Variants in OTUD7B observed in about 807,000 individuals in gnomAD.
OTUD7B encodes the protein OTU domain-containing protein 7B.
In OTUD7B, 34 loss-of-function variants were observed where a neutral mutation model predicts 82.2. The ratio of observed to expected loss-of-function variants is 0.41; its 90% CI spans 0.31 to 0.55. OTUD7B has a LOEUF of 0.55. OTUD7B is among the 20% of genes least tolerant of loss of function. The probability of loss-of-function intolerance (pLI) is 0.20; values close to 1 mark genes in which losing one functional copy is unlikely to be tolerated. For synonymous variants in OTUD7B, 398 were observed against 402.7 expected, an observed-to-expected ratio of 0.99 and a Z score of 0.14; for missense variants, 944 against 1,062.1, an observed-to-expected ratio of 0.89 and a Z score of 1.55.
intron 1 of OTUD7B, among the ~76,000 whole-genome samples, chr1:149,982,653 C>A (rs1022514328): frequency 1.3e-5 from 2 of 151,788 alleles, no homozygotes; most frequent in African/African-American, 4.8e-5. Context: ...TTTCAGTATC[C>A]ATCTGCACAA....
chr1:149,969,640 C>G (rs1175286445), intron 3 of OTUD7B, among the ~76,000 whole-genome samples: 4 of 152,138 alleles, frequency 2.6e-5, no homozygotes, highest in Non-Finnish European at 5.9e-5. Context: ...TTAAAATCAT[C>G]TTTTAAAACG....
intron 5 of OTUD7B, among the ~76,000 whole-genome samples, chr1:149,965,036 G>A (rs1315386538): frequency 6.6e-6 from 1 of 150,884 alleles, no homozygotes; most frequent in Non-Finnish European, 1.5e-5. Flanking sequence ...GGGATTACAG[G>A]CATCTGCCAC....
chr1:150,032,881 C>G, the OTUD7B span, among the ~76,000 whole-genome samples: 1 of 152,170 alleles, frequency 6.6e-6, no homozygotes. Flanking sequence ...AATATAAACT[C>G]TCCAGTTCAC....
the OTUD7B span, among the ~76,000 whole-genome samples, chr1:150,016,464 T>C: frequency 1.0e-4 from 15 of 149,928 alleles, no homozygotes; most frequent in East Asian, 2.9e-3. Flanking sequence ...TTTTTTTTTT[T>C]TTTTTTTGAG....
chr1:150,062,708 C>CTTTTT, the OTUD7B span, among the ~76,000 whole-genome samples: 2,234 of 95,602 alleles, frequency 0.023, 5 homozygotes, highest in East Asian at 0.027. Flanking sequence ...CTTCTTCTTT[C>CTTTTT]TTTTTTTTTT....
At chr1:149,983,741 G>A (rs902047787) in intron 1 of OTUD7B, among the ~76,000 whole-genome samples, 3 of 152,120 alleles carry the variant, frequency 2.0e-5, no homozygotes, top group South Asian at 4.1e-4. Flanking sequence ...AAGGTTGCAC[G>A]CAGAGGTAGA....
At chr1:150,060,598 A>G in the OTUD7B span, among the ~76,000 whole-genome samples, 75 of 152,194 alleles carry the variant, frequency 4.9e-4, no homozygotes, top group Non-Finnish European at 9.6e-4. Context: ...GACATACAAG[A>G]TATGCAATAG....
intron 1 of OTUD7B, among the ~76,000 whole-genome samples, chr1:150,007,970 C>T (rs1652775603): frequency 6.6e-6 from 1 of 152,190 alleles, no homozygotes; most frequent in African/African-American, 2.4e-5. Flanking sequence ...CACATACACC[C>T]ACACTATAAT....
the OTUD7B span, among the ~76,000 whole-genome samples, chr1:150,045,325 C>G: frequency 6.6e-6 from 1 of 151,850 alleles, no homozygotes; most frequent in Non-Finnish European, 1.5e-5. Context: ...AACTCCTGAC[C>G]TCTAGTGATC....
intron 7 of OTUD7B, among the ~76,000 whole-genome samples, chr1:149,955,827 G>A (rs1344770688): frequency 9.2e-5 from 14 of 152,194 alleles, no homozygotes; most frequent in Middle Eastern, 3.4e-3. Context: ...TTGGTTTAAA[G>A]TCTGTTTTAT....
At chr1:150,062,631 C>A in the OTUD7B span, among the ~76,000 whole-genome samples, 982 of 151,158 alleles carry the variant, frequency 6.5e-3, 11 homozygotes, top group African/African-American at 0.023. Context: ...AGCTGCTAAT[C>A]TATAAAATGG....
intron 1 of OTUD7B, among the ~76,000 whole-genome samples, chr1:150,007,336 CT>C (rs1304507547): frequency 2.6e-5 from 4 of 152,240 alleles, no homozygotes; most frequent in Non-Finnish European, 5.9e-5. Flanking sequence ...GCCCATACCT[CT>C]TTATGACTCA....
At chr1:149,949,150 A>T in intron 9 of OTUD7B, 67 bp from the exon 10 acceptor site, 1 of 937,114 alleles carries the variant, frequency 1.1e-6, no homozygotes, top group Admixed American at 2.0e-5. Flanking sequence ...ACACAGACTT[A>T]TTTCACTAAA....
chr1:150,018,257 G>A, the OTUD7B span, among the ~76,000 whole-genome samples: 1 of 152,178 alleles, frequency 6.6e-6, no homozygotes, highest in African/African-American at 2.4e-5. Flanking sequence ...TATAAGAACT[G>A]AGGCACGTTT....
chr1:149,953,605 G>A (rs1204050676), intron 7 of OTUD7B, among the ~76,000 whole-genome samples: 1 of 152,132 alleles, frequency 6.6e-6, no homozygotes, highest in African/African-American at 2.4e-5. Flanking sequence ...GTGGTTTGAT[G>A]GGGATGGCAC....
intron 1 of OTUD7B, among the ~76,000 whole-genome samples, chr1:150,005,662 C>CTT (rs1288472719): frequency 1.6e-4 from 24 of 147,922 alleles, no homozygotes; most frequent in South Asian, 4.3e-4. Flanking sequence ...CTGCCCATTC[C>CTT]TTTTTTTTTT....
upstream of OTUD7B, among the ~76,000 whole-genome samples, chr1:150,013,934 A>AT (rs1242958336): frequency 0.37 from 8,620 of 23,312 alleles, 883 homozygotes; most frequent in South Asian, 0.48. Flanking sequence ...AAAAAAAAAA[A>AT]ATAATATATA....
the OTUD7B span, among the ~76,000 whole-genome samples, chr1:150,062,196 G>A: frequency 2.0e-5 from 3 of 152,154 alleles, no homozygotes; most frequent in Non-Finnish European, 2.9e-5. Context: ...CCAAGGGGAC[G>A]AATTTTTGAG....
At chr1:149,976,094 T>A (rs782614661) in intron 2 of OTUD7B, among the ~76,000 whole-genome samples, 4 of 152,036 alleles carry the variant, frequency 2.6e-5, no homozygotes, top group Non-Finnish European at 4.4e-5. Flanking sequence ...TAAACCCTGA[T>A]CTTCTGTTTC....
Sources: allele counts gnomAD v4.1 joint callset (sites outside exome capture counted in the v4.1 genomes callset), GRCh38; gene constraint gnomAD v4.1.1; transcripts MANE v1.5; gene names NCBI Gene and HGNC (gene_info 2026-07-23, HGNC 2026-07-21).